Variants in MADD observed in about 807,000 individuals in gnomAD.
MADD encodes MAP kinase activating death domain.
In MADD, 109 loss-of-function variants were observed where a neutral mutation model predicts 176.7. That is an observed-to-expected ratio of 0.62 (90% CI 0.53 to 0.72). The LOEUF (loss-of-function observed/expected upper bound fraction) is 0.72. Among genes scored for constraint, MADD ranks in the 30% least tolerant of loss-of-function variants. The pLI, the probability that MADD is intolerant of heterozygous loss-of-function variation, is 0.00. For missense variants in MADD, 1,914 were observed against 2,045.5 expected (o/e 0.94, Z 1.24); for synonymous variants, 771 against 771.3 (o/e 1.00, Z 0.01).
chr11:47,296,166 A>G (rs1416721144), intron 22 of MADD, 111 bp downstream of exon 24: 6 of 1,254,094 alleles, frequency 4.8e-6, no homozygotes, highest in Non-Finnish European at 6.7e-6. Flanking sequence ...TAAATAAGGA[A>G]GAGGTAATCT....
At chr11:47,294,015 A>G (rs766634427) in intron 20 of MADD, 32 bp downstream of exon 22, 2 of 1,494,746 alleles carry the variant, frequency 1.3e-6, no homozygotes, top group African/African-American at 2.8e-5. Context: ...ATTTGCAAGT[A>G]TTAAATATGC....
exon 26 of MADD, chr11:47,311,802 G>T (rs765208685): frequency 6.2e-7 from 1 of 1,614,036 alleles, no homozygotes; most frequent in Non-Finnish European, 8.5e-7. Context: ...CTTGTGTACA[G>T]CCAGCAAATC....
chr11:47,292,516 C>T (rs1322685453), intron 19 of MADD, 27 bp from the exon 21 acceptor site: 1 of 1,610,902 alleles, frequency 6.2e-7, no homozygotes. Context: ...CTGTCTTTCT[C>T]TCCTGCTTGC....
chr11:47,298,361 T>C (rs953918770), intron 22 of MADD, among the ~76,000 whole-genome samples: 5 of 152,254 alleles, frequency 3.3e-5, no homozygotes, highest in African/African-American at 1.2e-4. Flanking sequence ...ACTGTGAAGA[T>C]AGCAACCATC....
At chr11:47,293,412 G>A (rs866839665) in intron 19 of MADD, among the ~76,000 whole-genome samples, 7 of 151,016 alleles carry the variant, frequency 4.6e-5, no homozygotes, top group East Asian at 1.9e-4. Flanking sequence ...AGCAATTGTC[G>A]TGCCTCAACC....
intron 7 of MADD, 106 bp downstream of exon 7, chr11:47,279,185 T>A: frequency 9.3e-7 from 1 of 1,078,556 alleles, no homozygotes; most frequent in Non-Finnish European, 1.4e-6. Flanking sequence ...TCAAGTGGAG[T>A]AGTTTTCTTC....
At position 47,288,921 on chromosome 11, in the gene MADD, G is replaced by A. The variant is rs1323269490; in HGVS notation, c.2654-470G>A. On this transcript the variant is annotated intron_variant, in intron 15 of 32. Transcript: ENST00000402192. ...TACTGCTCCTCGGAGGGGTAGAGGG[G>A]TTGCGGTATTGTGGTACACCTACTA... 2.2e-6 allele frequency: 3 copies of A among 1,357,786 alleles called. No homozygotes were observed. The Admixed American group carries it at 6.0e-5, about 27-fold the overall frequency. The allele number at this position is 1,357,786 out of a possible 1,614,324, so 84.1% of individuals were successfully genotyped here.
At chr11:47,303,694 C>T (rs944333809) in intron 22 of MADD, among the ~76,000 whole-genome samples, 1 of 151,440 alleles carries the variant, frequency 6.6e-6, no homozygotes, top group Non-Finnish European at 1.5e-5. Flanking sequence ...CAACCTGCGC[C>T]GCTTGGGTTC....
In MADD at chr11:47,328,469, C is replaced by G. The variant is rs1387921870; in HGVS notation, c.4613-189C>G. 5.5e-6 allele frequency: 8 copies of G among 1,455,484 alleles called. No individual in the cohort carries two copies. The Admixed American group carries it at 1.1e-4, about 19-fold the overall frequency. The allele number at this position is 1,455,484 out of a possible 1,614,324, so 90.2% of individuals were successfully genotyped here. ...CTGAGGAGGCTAGGGCCATGTCCTC[C>G]CAGCTGGCAGAGTCTGGACAGAGCC... is the stretch of plus-strand genomic sequence containing the variant. On this transcript the variant is annotated intron_variant, in intron 31 of 32. Coordinates refer to ENST00000402192, the Ensembl canonical transcript of MADD.
At chr11:47,309,817 G>C (rs1181398268) in intron 25 of MADD, among the ~76,000 whole-genome samples, 1 of 151,260 alleles carries the variant, frequency 6.6e-6, no homozygotes, top group Admixed American at 6.6e-5. Context: ...AAGGAGTGTT[G>C]TAGGAAGAAC....
chr11:47,321,124 C>T (rs938383032), intron 27 of MADD, among the ~76,000 whole-genome samples: 1 of 152,138 alleles, frequency 6.6e-6, no homozygotes, highest in African/African-American at 2.4e-5. Flanking sequence ...GCCACTTAGA[C>T]GACTATAACA....
In MADD at chr11:47,316,368, AT is replaced by A. The variant is rs34472318; in HGVS notation, c.4197+1051del. 3.4e-3 allele frequency among the ~76,000 whole-genome samples: 428 copies of A among 124,904 alleles called. 3 individuals carry two copies. The highest frequency in any genetic ancestry group is 0.012 in the Admixed American group (145 of 12,394). 81.9% of individuals were successfully genotyped at this position (124,904 alleles called of 152,430 possible). On this transcript the variant is annotated intron_variant, in intron 27 of 32. Coordinates refer to ENST00000402192, the Ensembl canonical transcript of MADD. ...TGGTTTCCTTTGTAAATTCCAGTGG[AT>A]TTTTTTTTTCTTTTTCTTTTTTTTT...
chr11:47,273,990 G>A lies in MADD; in HGVS notation c.62+14G>A. On this transcript the variant is annotated intron_variant, in intron 2 of 32. Transcript: ENST00000402192. ...CGTAGGGGCCAGGTAACCAAGAAGA[G>A]ATTGACTTTTGTCTTAATATCTGGG... is the stretch of plus-strand genomic sequence containing the variant. 1 of 1,612,968 alleles carries A rather than the reference G, an allele frequency of 6.2e-7. No individual in the cohort carries two copies.
At chr11:47,316,592 G>A (rs1312893274) in intron 27 of MADD, among the ~76,000 whole-genome samples, 2 of 151,568 alleles carry the variant, frequency 1.3e-5, no homozygotes, top group Non-Finnish European at 2.9e-5. Context: ...GTTTCACCAT[G>A]TTGGTCAGGC....
intron 22 of MADD, among the ~76,000 whole-genome samples, chr11:47,298,914 G>A (rs971717886): frequency 2.6e-5 from 4 of 152,118 alleles, no homozygotes; most frequent in African/African-American, 9.7e-5. Context: ...CAAGTTTTCC[G>A]AGCAGCATTT....
chr11:47,286,601 T>A, intron 15 of MADD, 67 bp downstream of exon 15: 1 of 1,210,284 alleles, frequency 8.3e-7, no homozygotes, highest in Non-Finnish European at 1.2e-6. Context: ...TGGGTTCATG[T>A]CAGGAGCCCT....
At chr11:47,293,411 C>T (rs976267199) in intron 19 of MADD, among the ~76,000 whole-genome samples, 1 of 151,320 alleles carries the variant, frequency 6.6e-6, no homozygotes, top group Non-Finnish European at 1.5e-5. Context: ...AAGCAATTGT[C>T]GTGCCTCAAC....
At chr11:47,273,949 TTGACTA>T in exon 2 of MADD, 1 of 1,614,148 alleles carries the variant, frequency 6.2e-7, no homozygotes, top group Non-Finnish European at 8.5e-7. Flanking sequence ...CCTCGGTTAC[TTGACTA>T]TCTAGTGATC....
intron 7 of MADD, among the ~76,000 whole-genome samples, chr11:47,280,531 T>C (rs1186604277): frequency 6.6e-6 from 1 of 152,134 alleles, no homozygotes; most frequent in Non-Finnish European, 1.5e-5. Context: ...GAGAGGTTAA[T>C]AAATGGAATT....
Sources: gnomAD v4.1 joint callset for allele counts (sites outside exome capture counted in the v4.1 genomes callset) on GRCh38, gnomAD v4.1.1 for gene constraint, MANE v1.5 for transcripts, NCBI Gene and HGNC (gene_info 2026-07-23, HGNC 2026-07-21) for gene names.